ESRRG: variants seen among roughly 807,000 people sequenced by gnomAD.
ESRRG encodes estrogen-related receptor gamma.
In ESRRG, 13 loss-of-function variants were observed where a neutral mutation model predicts 44.0. The observed-to-expected ratio is 0.30, with a 90% CI of 0.19 to 0.47. The LOEUF is 0.47. ESRRG is among the 20% of genes least tolerant of loss of function. ESRRG has a pLI of 1.00. For synonymous variants in ESRRG, 215 were observed against 214.6 expected (o/e 1.00, Z -0.02); for missense variants, 395 against 580.6 (o/e 0.68, Z 3.29).
At chr1:216,546,186 C>A (rs896982624) in intron 5 of ESRRG, among the ~76,000 whole-genome samples, 1 of 152,042 alleles carries the variant, frequency 6.6e-6, no homozygotes, top group Non-Finnish European at 1.5e-5. Flanking sequence ...CCTCCCCTGA[C>A]TGTAACAATC....
At chr1:216,976,488 A>G (rs2072937029) in intron 1 of ESRRG, among the ~76,000 whole-genome samples, 2 of 152,114 alleles carry the variant, frequency 1.3e-5, no homozygotes, top group African/African-American at 4.8e-5. Context: ...CTGTTTTATT[A>G]AGTTTACCTT....
intron 3 of ESRRG, among the ~76,000 whole-genome samples, chr1:216,623,113 C>T (rs1407486495): frequency 4.4e-4 from 48 of 107,946 alleles, no homozygotes; most frequent in African/African-American, 1.4e-3. Context: ...GATGGAGTCT[C>T]GCTCTGTCAC....
At chr1:216,554,234 A>T (rs889839570) in intron 5 of ESRRG, among the ~76,000 whole-genome samples, 1 of 152,066 alleles carries the variant, frequency 6.6e-6, no homozygotes, top group Admixed American at 6.6e-5. Context: ...TGGGTGGATC[A>T]TCTGAAGTCA....
chr1:216,537,952 T>C (rs1247343920), intron 5 of ESRRG, among the ~76,000 whole-genome samples: 1 of 152,142 alleles, frequency 6.6e-6, no homozygotes, highest in Non-Finnish European at 1.5e-5. Flanking sequence ...TGCTGTTTTG[T>C]ATTTCTGTGC....
intron 3 of ESRRG, among the ~76,000 whole-genome samples, chr1:216,606,374 C>T (rs1040272554): frequency 4.6e-5 from 7 of 152,202 alleles, no homozygotes; most frequent in Non-Finnish European, 8.8e-5. Flanking sequence ...GTACAATGGA[C>T]TAACTCCATT....
At chr1:217,063,411 G>A (rs1372993548) in intron 1 of ESRRG, among the ~76,000 whole-genome samples, 3 of 152,162 alleles carry the variant, frequency 2.0e-5, no homozygotes, top group Non-Finnish European at 2.9e-5. Context: ...CAGTTGGTAC[G>A]CTAACCTTTC....
chr1:217,000,343 G>A (rs1037786087), intron 1 of ESRRG: 1 of 152,192 alleles, frequency 6.6e-6, no homozygotes, highest in African/African-American at 2.4e-5. Flanking sequence ...ATGAATCTGT[G>A]CTAGCTTTTA....
intron 2 of ESRRG, among the ~76,000 whole-genome samples, chr1:216,920,732 G>A (rs1281558784): frequency 6.6e-6 from 1 of 152,164 alleles, no homozygotes; most frequent in Non-Finnish European, 1.5e-5. Flanking sequence ...GCTACAGAAT[G>A]TCAATATGAT....
chr1:216,742,243 G>A (rs1271495854), intron 2 of ESRRG, among the ~76,000 whole-genome samples: 2 of 152,068 alleles, frequency 1.3e-5, no homozygotes, highest in Non-Finnish European at 2.9e-5. Context: ...GTAATGCTCT[G>A]TATACATGTG....
chr1:216,909,225 A>G (rs2060036913), intron 2 of ESRRG, among the ~76,000 whole-genome samples: 1 of 152,236 alleles, frequency 6.6e-6, no homozygotes, highest in Admixed American at 6.5e-5. Flanking sequence ...ATCATCATCT[A>G]TGAGGCAGTG....
chr1:216,541,997 C>T (rs2052960148), intron 5 of ESRRG, among the ~76,000 whole-genome samples: 1 of 150,698 alleles, frequency 6.6e-6, no homozygotes, highest in Non-Finnish European at 1.5e-5. Context: ...ATGAACTGGC[C>T]TAAGATGTAT....
chr1:216,895,974 A>G (rs1363179517), intron 2 of ESRRG, among the ~76,000 whole-genome samples: 1 of 152,204 alleles, frequency 6.6e-6, no homozygotes, highest in African/African-American at 2.4e-5. Context: ...AAAGTAAAAT[A>G]TCAGGTTTCT....
chr1:216,856,312 C>T (rs1466496891), intron 2 of ESRRG, among the ~76,000 whole-genome samples: 1 of 151,262 alleles, frequency 6.6e-6, no homozygotes, highest in African/African-American at 2.4e-5. Context: ...TAGATATTAC[C>T]AGTTGCTTAA....
intron 2 of ESRRG, among the ~76,000 whole-genome samples, chr1:216,776,390 A>G (rs541489823): frequency 1.8e-4 from 28 of 152,126 alleles, no homozygotes; most frequent in African/African-American, 6.3e-4. Flanking sequence ...GAGGCACCTG[A>G]GTTGCATCCC....
In ESRRG at chr1:216,506,691, G is replaced by A; in HGVS notation, c.*248C>T. The A allele has an allele frequency of 5.1e-6, 3 of 584,242 alleles. No homozygotes were observed. The highest frequency in any genetic ancestry group is 2.7e-5 in the Admixed American group (1 of 36,882). 36.2% of individuals were successfully genotyped at this position (584,242 alleles called of 1,614,324 possible). A position where few individuals can be genotyped will look rare whatever the true frequency, so the allele number is the denominator to read the frequency against. Reference sequence around the variant, plus strand: ...AATAAGGGAGGTGAAAGAAGAAAAGGAGAAAAAATAAAGAGAAAGAGAAAT... The same window carrying A: ...AATAAGGGAGGTGAAAGAAGAAAAGAAGAAAAAATAAAGAGAAAGAGAAAT... On this transcript the variant is annotated 3_prime_UTR_variant, in exon 7 of 7. Coordinates refer to ENST00000408911, the MANE Select transcript of ESRRG (RefSeq NM_001438.4).
chr1:216,936,376 T>A (rs1403610640), intron 2 of ESRRG, among the ~76,000 whole-genome samples: 2 of 152,242 alleles, frequency 1.3e-5, no homozygotes, highest in South Asian at 4.2e-4. Context: ...ATGAAGGATC[T>A]AATTCACAAG....
At position 216,843,214 on chromosome 1, in the gene ESRRG, T is replaced by G. The variant is rs11572566; in HGVS notation, c.-14+96368A>C. Among the ~76,000 whole-genome samples the G allele has an allele frequency of 3.5e-3, 488 of 140,766 alleles. 1 individual carries two copies. Among genetic ancestry groups the G allele is most frequent in the South Asian group, 0.018 (87 of 4,734 alleles). The allele number at this position is 140,766 out of a possible 152,430, so 92.3% of individuals were successfully genotyped here. On this transcript the variant is annotated intron_variant, in intron 2 of 7. Transcript: ENST00000359162. ...AAAGGGGGCTAAGAATCAAATTTTG[T>G]TTTTTTTTAATATTTTATATGAGAT... is the stretch of plus-strand genomic sequence containing the variant.
Position 216,723,236 on chromosome 1 carries a change from G to GTACC in ESRRG, c.56+4_56+7dup. The GTACC allele has an allele frequency of 6.2e-7, 1 of 1,609,850 alleles. No individual in the cohort carries two copies. The highest frequency in any genetic ancestry group is 8.5e-7 in the Non-Finnish European group (1 of 1,176,488). On this transcript the variant is annotated splice_region_variant and intron_variant, in intron 1 of 6. Coordinates refer to ENST00000408911, the MANE Select transcript of ESRRG (RefSeq NM_001438.4). ...CGAGTTTAAAAAGGAAAGAAAAAAG[G>GTACC]TACCTACTCTTCCTCGTAGTGCAGG... is the stretch of plus-strand genomic sequence containing the variant.
At position 216,822,530 on chromosome 1, in the gene ESRRG, T is replaced by C. The variant is rs1285772355; in HGVS notation, c.-14+117052A>G. Among the ~76,000 whole-genome samples, 5 of 152,134 alleles carry C rather than the reference T, an allele frequency of 3.3e-5. No individual in the cohort carries two copies. The East Asian group carries it at 9.6e-4, about 29-fold the overall frequency. ...GGAATCATGGCCTTAAAGTGGTAAATATGTTTCCCAGTCCTCCTCTCCAAG... is the reference window on the plus strand; with the variant it reads ...GGAATCATGGCCTTAAAGTGGTAAACATGTTTCCCAGTCCTCCTCTCCAAG... On this transcript the variant is annotated intron_variant, in intron 2 of 7. Coordinates refer to the ESRRG transcript ENST00000359162.
Sources: gnomAD v4.1 joint callset for allele counts (sites outside exome capture counted in the v4.1 genomes callset) on GRCh38, gnomAD v4.1.1 for gene constraint, MANE v1.5 for transcripts, NCBI Gene and HGNC (gene_info 2026-07-23, HGNC 2026-07-21) for gene names.